The following DLG2 variants were observed in gnomAD, a reference collection of about 807,000 sequenced individuals.
DLG2 encodes discs large MAGUK scaffold protein 2.
DLG2 carries 45 observed loss-of-function variants against 132.5 expected under a neutral mutation model. That is an observed-to-expected ratio of 0.34 (90% confidence interval 0.27 to 0.44). The LOEUF (loss-of-function observed/expected upper bound fraction) is 0.44, where lower values mean the gene tolerates loss of function less well. DLG2 is among the 20% of genes least tolerant of loss of function. DLG2 has a pLI of 1.00. For missense variants in DLG2, 1,045 were observed against 1,196.9 expected (o/e 0.87, Z 1.87); for synonymous variants, 424 against 419.6 (o/e 1.01, Z -0.13).
At chr11:83,584,674 G>C (rs1342881744) in intron 19 of DLG2, among the ~76,000 whole-genome samples, 4 of 152,172 alleles carry the variant, frequency 2.6e-5, no homozygotes, top group Non-Finnish European at 2.9e-5. Flanking sequence ...TAAAGATAGA[G>C]GATTTTTGAG....
chr11:83,833,803 G>T, intron 16 of DLG2, 33 bp from the exon 17 acceptor site: 2 of 1,599,016 alleles, frequency 1.3e-6, no homozygotes, highest in Non-Finnish European at 1.7e-6. Flanking sequence ...CAGCTCAGAG[G>T]GTGATCCATT....
chr11:84,597,593 C>T, intron 6 of DLG2, among the ~76,000 whole-genome samples: 1 of 152,094 alleles, frequency 6.6e-6, no homozygotes, highest in African/African-American at 2.4e-5. Flanking sequence ...GGATGCTTTT[C>T]AAGAGAAAGG....
intron 6 of DLG2, among the ~76,000 whole-genome samples, chr11:84,601,761 G>T (rs2099576966): frequency 6.6e-6 from 1 of 151,964 alleles, no homozygotes; most frequent in Non-Finnish European, 1.5e-5. Context: ...TTACACAATT[G>T]TAGTTTACAA....
At chr11:84,959,274 A>G (rs779556573) in intron 6 of DLG2, among the ~76,000 whole-genome samples, 11 of 152,220 alleles carry the variant, frequency 7.2e-5, no homozygotes, top group African/African-American at 2.2e-4. Flanking sequence ...TAAAAATGCT[A>G]TATAACATTA....
chr11:84,250,941 CTA>C (rs2097364242), intron 8 of DLG2, among the ~76,000 whole-genome samples: 1 of 152,176 alleles, frequency 6.6e-6, no homozygotes, highest in Admixed American at 6.5e-5. Flanking sequence ...TTGCTAGTGT[CTA>C]TGAGCAATTC....
intron 6 of DLG2, among the ~76,000 whole-genome samples, chr11:84,945,417 C>A (rs1257783591): frequency 6.6e-6 from 1 of 152,144 alleles, no homozygotes; most frequent in East Asian, 1.9e-4. Flanking sequence ...AACAAACAAA[C>A]CCTCTCTCTC....
At chr11:85,431,694 G>A (rs1026373356) in intron 3 of DLG2, among the ~76,000 whole-genome samples, 3 of 152,246 alleles carry the variant, frequency 2.0e-5, no homozygotes, top group African/African-American at 7.2e-5. Flanking sequence ...AGCGGGAGTG[G>A]TGCCACAGTC....
At chr11:85,367,363 C>A (rs888904078) in intron 3 of DLG2, among the ~76,000 whole-genome samples, 7 of 152,076 alleles carry the variant, frequency 4.6e-5, no homozygotes, top group Non-Finnish European at 8.8e-5. Flanking sequence ...CCTAACTTTT[C>A]CTGTCAGTAA....
intron 3 of DLG2, among the ~76,000 whole-genome samples, chr11:85,549,310 C>T (rs1028264919): frequency 6.6e-6 from 1 of 152,158 alleles, no homozygotes; most frequent in African/African-American, 2.4e-5. Flanking sequence ...TGGGCTGCAA[C>T]CACTGTCCAA....
chr11:85,337,497 A>G (rs990785590), intron 3 of DLG2, among the ~76,000 whole-genome samples: 8 of 152,360 alleles, frequency 5.3e-5, no homozygotes, highest in African/African-American at 1.9e-4. Flanking sequence ...TGGGATCCAT[A>G]TCAAAGTTTC....
chr11:84,647,718 C>A (rs1041628213), intron 6 of DLG2, among the ~76,000 whole-genome samples: 3 of 152,288 alleles, frequency 2.0e-5, no homozygotes, highest in Admixed American at 2.0e-4. Flanking sequence ...GTCTGTGACA[C>A]AGTTGGTTCA....
intron 6 of DLG2, among the ~76,000 whole-genome samples, chr11:85,006,813 T>C (rs1047825637): frequency 5.9e-5 from 9 of 152,072 alleles, no homozygotes; most frequent in African/African-American, 2.2e-4. Context: ...TCTTTTTAAT[T>C]GTGATGTTAG....
At chr11:84,402,850 C>T (rs1224778642) in intron 7 of DLG2, among the ~76,000 whole-genome samples, 1 of 121,006 alleles carries the variant, frequency 8.3e-6, no homozygotes, top group Non-Finnish European at 1.6e-5. Context: ...CCACTGCACT[C>T]CAGCCTGGGC....
At chr11:83,884,521 C>T (rs12288115) in intron 15 of DLG2, among the ~76,000 whole-genome samples, 14,644 of 152,158 alleles carry the variant, frequency 0.096, 833 homozygotes, top group Middle Eastern at 0.2. Flanking sequence ...GGGCAGGGCA[C>T]AGACAAACAA....
intron 4 of DLG2, among the ~76,000 whole-genome samples, chr11:85,160,250 G>A (rs574740901): frequency 6.6e-6 from 1 of 152,274 alleles, no homozygotes; most frequent in Admixed American, 6.5e-5. Context: ...AACAGGAGAA[G>A]GCTCTGCAAC....
chr11:85,457,249 C>T (rs2092453443), intron 3 of DLG2, among the ~76,000 whole-genome samples: 1 of 151,530 alleles, frequency 6.6e-6, no homozygotes, highest in Admixed American at 6.6e-5. Context: ...GGACGTCAAC[C>T]CCTGCTTTTC....
intron 6 of DLG2, among the ~76,000 whole-genome samples, chr11:84,635,370 C>A (rs2099638916): frequency 6.6e-6 from 1 of 152,120 alleles, no homozygotes; most frequent in African/African-American, 2.4e-5. Flanking sequence ...AGCCCAATGT[C>A]TACTGTGGTC....
intron 8 of DLG2, among the ~76,000 whole-genome samples, chr11:84,244,347 G>A (rs1294224008): frequency 6.6e-6 from 1 of 151,944 alleles, no homozygotes; most frequent in Non-Finnish European, 1.5e-5. Context: ...CCACACCTGG[G>A]TAATTTTTTT....
intron 11 of DLG2, among the ~76,000 whole-genome samples, chr11:83,990,806 T>C (rs917155182): frequency 3.3e-5 from 5 of 152,156 alleles, no homozygotes; most frequent in Admixed American, 2.6e-4. Context: ...ATTTAGGATC[T>C]GCTAGGTAAG....
Sources: gnomAD v4.1 joint callset for allele counts (sites outside exome capture counted in the v4.1 genomes callset) on GRCh38, gnomAD v4.1.1 for gene constraint, MANE v1.5 for transcripts, NCBI Gene and HGNC (gene_info 2026-07-23, HGNC 2026-07-21) for gene names.